The following SPTBN1 variants were observed in gnomAD, a reference collection of about 807,000 sequenced individuals.
SPTBN1 encodes spectrin beta chain, non-erythrocytic 1.
Under a neutral mutation model 266.4 loss-of-function variants are expected in SPTBN1, and 32 were observed. The ratio of observed to expected loss-of-function variants is 0.12; its 90% CI spans 0.09 to 0.16. SPTBN1 has a LOEUF of 0.16. SPTBN1 is among the 10% of genes least tolerant of loss of function. SPTBN1 has a pLI of 1.00. For synonymous variants in SPTBN1, 1,336 were observed against 1,162.2 expected, an observed-to-expected ratio of 1.15 and a Z score of -3.04; for missense variants, 2,296 against 3,067.1, an observed-to-expected ratio of 0.75 and a Z score of 5.94.
intron 2 of SPTBN1, among the ~76,000 whole-genome samples, chr2:54,593,915 C>T (rs1675862567): frequency 7.2e-6 from 1 of 139,712 alleles, no homozygotes; most frequent in Admixed American, 8.0e-5. Context: ...CTCACTGCAA[C>T]CTCCGCCTCC....
At chr2:54,488,240 C>T (rs1246093471) in intron 1 of SPTBN1, among the ~76,000 whole-genome samples, 1 of 152,148 alleles carries the variant, frequency 6.6e-6, no homozygotes, top group East Asian at 1.9e-4. Flanking sequence ...CTGGCCTTAC[C>T]GTCATGCCTC....
chr2:54,498,084 G>GA (rs1397367353), intron 1 of SPTBN1, among the ~76,000 whole-genome samples: 7 of 152,138 alleles, frequency 4.6e-5, no homozygotes, highest in Non-Finnish European at 7.4e-5. Context: ...GTCCCAATCT[G>GA]AAAAAAACTT....
At chr2:54,564,989 T>A (rs962279358) in intron 2 of SPTBN1, among the ~76,000 whole-genome samples, 1 of 152,196 alleles carries the variant, frequency 6.6e-6, no homozygotes, top group South Asian at 2.1e-4. Context: ...CCCTTATTGC[T>A]GTGGTTCCCA....
intron 2 of SPTBN1, among the ~76,000 whole-genome samples, chr2:54,569,867 G>T (rs1225005249): frequency 1.3e-5 from 2 of 152,136 alleles, no homozygotes; most frequent in Non-Finnish European, 2.9e-5. Context: ...AAACTTGAGT[G>T]CCTCAACTCC....
chr2:54,522,991 T>C (rs1414191159), intron 1 of SPTBN1, among the ~76,000 whole-genome samples: 1 of 152,170 alleles, frequency 6.6e-6, no homozygotes, highest in Non-Finnish European at 1.5e-5. Context: ...ACTTTCAGAA[T>C]TTGGGATTAA....
chr2:54,627,399 G>T (rs1443128448), intron 12 of SPTBN1, among the ~76,000 whole-genome samples: 1 of 152,160 alleles, frequency 6.6e-6, no homozygotes, highest in African/African-American at 2.4e-5. Flanking sequence ...CCCAAATTTC[G>T]CTGGTTGATG....
At chr2:54,612,497 C>T (rs1431828061) in intron 4 of SPTBN1, among the ~76,000 whole-genome samples, 163 bp downstream of exon 4, 2 of 152,190 alleles carry the variant, frequency 1.3e-5, no homozygotes, top group Non-Finnish European at 2.9e-5. Context: ...TTGAATGCTG[C>T]CTCGTAGGCA....
chr2:54,487,449 A>G (rs891097277), intron 1 of SPTBN1, among the ~76,000 whole-genome samples: 1 of 152,338 alleles, frequency 6.6e-6, no homozygotes, highest in South Asian at 2.1e-4. Flanking sequence ...TGATGATTCA[A>G]TAAATGTAGA....
chr2:54,596,834 G>C (rs181138122), intron 2 of SPTBN1, among the ~76,000 whole-genome samples: 2 of 152,312 alleles, frequency 1.3e-5, no homozygotes. Flanking sequence ...TTGCCTCTCT[G>C]TAGGGAGGAG....
rs1421455463 is a variant in SPTBN1, at chr2:54,631,393, G to A, written c.3346G>A (p.Glu1116Lys). The A allele has an allele frequency of 9.3e-6, 15 of 1,614,148 alleles. No homozygotes were observed. Among genetic ancestry groups the A allele is most frequent in the Non-Finnish European group, 1.1e-5 (13 of 1,180,058 alleles). ...NIKNEIDNYEEDYQKMRDMGE... is the reference protein window; with the variant it reads ...NIKNEIDNYEKDYQKMRDMGE... ...CAAGAACGAGATCGACAACTACGAG[G>A]AGGACTACCAGAAGATGAGGGACAT... Residue 1116 changes from glutamate (E) to lysine (K), a missense_variant, in exon 16 of 36, where the codon GAG (glutamate) becomes AAG (lysine). Physicochemically the swap from Glu to Lys is moderately conservative, Grantham distance 56. This residue lies in a region of SPTBN1 where 386 missense variants were observed against 486.1 expected (regional missense o/e 0.79). Transcript: ENST00000356805.
chr2:54,602,187 A>T (rs1676540284), intron 3 of SPTBN1, among the ~76,000 whole-genome samples: 1 of 152,196 alleles, frequency 6.6e-6, no homozygotes, highest in African/African-American at 2.4e-5. Flanking sequence ...ATAACTCTCC[A>T]TAAAGGTCTC....
At chr2:54,637,486 C>T (rs995100811) in intron 17 of SPTBN1, among the ~76,000 whole-genome samples, 12 of 152,100 alleles carry the variant, frequency 7.9e-5, no homozygotes, top group African/African-American at 2.7e-4. Context: ...ACAGTATGTT[C>T]GGCCTGTTGT....
At chr2:54,490,531 C>T (rs1250430512) in intron 1 of SPTBN1, among the ~76,000 whole-genome samples, 1 of 152,132 alleles carries the variant, frequency 6.6e-6, no homozygotes, top group African/African-American at 2.4e-5. Flanking sequence ...TGTGATTCTC[C>T]AGAAATTTCT....
At chr2:54,661,880 C>G (rs1348964623) in intron 32 of SPTBN1, 48 of 985,250 alleles carry the variant, frequency 4.9e-5, no homozygotes, top group Non-Finnish European at 5.8e-5. Context: ...CATTTGCTAT[C>G]ATGCCTATTT....
At chr2:54,495,880 A>G (rs908870398) in intron 1 of SPTBN1, among the ~76,000 whole-genome samples, 4 of 152,174 alleles carry the variant, frequency 2.6e-5, no homozygotes, top group Admixed American at 6.5e-5. Flanking sequence ...AAGCAAGTAA[A>G]TCAAAGAATA....
intron 7 of SPTBN1, among the ~76,000 whole-genome samples, chr2:54,619,965 A>G (rs1183778265): frequency 2.0e-5 from 3 of 152,236 alleles, no homozygotes; most frequent in Non-Finnish European, 4.4e-5. Flanking sequence ...GTATGAATGT[A>G]TATTGAAAAA....
chr2:54,630,110 G>C lies in SPTBN1; in HGVS notation c.2807+81G>C, dbSNP rs572608022. ...AGGTCACTCATCGAGCTTTGCTGTT[G>C]GGAATTTCCCACATGGGGTCATCGA... On this transcript the variant is annotated intron_variant, in intron 15 of 35. Coordinates refer to ENST00000356805, the MANE Select transcript of SPTBN1 (RefSeq NM_003128.3). 3.3e-5 allele frequency: 51 copies of C among 1,531,264 alleles called. No homozygotes were observed. In the East Asian group the frequency reaches 1.2e-3, roughly 36 times the overall value. The allele number at this position is 1,531,264 out of a possible 1,614,324, so 94.9% of individuals were successfully genotyped here.
chr2:54,559,960 A>G (rs1225785327), intron 2 of SPTBN1, among the ~76,000 whole-genome samples: 1 of 152,188 alleles, frequency 6.6e-6, no homozygotes, highest in Non-Finnish European at 1.5e-5. Context: ...AATAGTTGAC[A>G]GTAATGACAC....
intron 3 of SPTBN1, among the ~76,000 whole-genome samples, chr2:54,601,416 T>G (rs1009046171): frequency 6.6e-6 from 1 of 152,196 alleles, no homozygotes; most frequent in African/African-American, 2.4e-5. Context: ...CACCACACAC[T>G]GCCTTTGGCC....
Sources: gnomAD v4.1 joint callset for allele counts (sites outside exome capture counted in the v4.1 genomes callset) on GRCh38, gnomAD v4.1.1 for gene constraint, gnomAD v4.1.1 regional missense constraint, MANE v1.5 for transcripts, NCBI Gene and HGNC (gene_info 2026-07-23, HGNC 2026-07-21) for gene names.